BMP2K: variants seen among roughly 807,000 people sequenced by gnomAD.
BMP2K encodes the protein BMP-2-inducible protein kinase.
Under a neutral mutation model 116.0 loss-of-function variants are expected in BMP2K, and 74 were observed. That is an observed-to-expected ratio of 0.64 (90% CI 0.53 to 0.77). BMP2K has a LOEUF of 0.77. Ranked by LOEUF, BMP2K falls within the 30% of genes least tolerant of loss-of-function variation. The pLI, the probability that BMP2K is intolerant of heterozygous loss-of-function variation, is 0.00. For synonymous variants in BMP2K, 486 were observed against 502.5 expected (o/e 0.97, Z 0.44); for missense variants, 1,365 against 1,403.6 (o/e 0.97, Z 0.44).
intron 15 of BMP2K, among the ~76,000 whole-genome samples, chr4:78,891,641 A>T (rs767390417): frequency 5.3e-5 from 8 of 152,218 alleles, no homozygotes; most frequent in Non-Finnish European, 8.8e-5. Flanking sequence ...GATTGCAAAT[A>T]ACATATTATT....
intron 1 of BMP2K, among the ~76,000 whole-genome samples, chr4:78,822,289 A>C (rs1020153708): frequency 6.6e-6 from 1 of 152,164 alleles, no homozygotes; most frequent in Non-Finnish European, 1.5e-5. Flanking sequence ...CAGAGGTAAG[A>C]TTTCCATTAG....
chr4:78,899,072 C>G (rs745602068), intron 15 of BMP2K: 12 of 152,258 alleles, frequency 7.9e-5, no homozygotes, highest in Non-Finnish European at 1.5e-4. Context: ...CAGGTCAAAA[C>G]TCCGGTGCTG....
At chr4:78,878,710 T>G in intron 13 of BMP2K, 24 bp from the exon 14 acceptor site, 1 of 1,542,914 alleles carries the variant, frequency 6.5e-7, no homozygotes, top group African/African-American at 1.4e-5. Flanking sequence ...CATCTTCTTT[T>G]TTCTTACTCA....
intron 1 of BMP2K, among the ~76,000 whole-genome samples, chr4:78,791,537 T>C (rs1321948072): frequency 6.6e-6 from 1 of 151,916 alleles, no homozygotes; most frequent in African/African-American, 2.4e-5. Flanking sequence ...TGTGCATTCA[T>C]CATCACTATT....
At chr4:78,870,045 A>G (rs1489937557) in intron 10 of BMP2K, among the ~76,000 whole-genome samples, 1 of 152,180 alleles carries the variant, frequency 6.6e-6, no homozygotes, top group African/African-American at 2.4e-5. Flanking sequence ...GAGAATATAG[A>G]AATTATGGTA....
At chr4:78,777,682 G>A (rs559133307) in intron 1 of BMP2K, among the ~76,000 whole-genome samples, 12 of 152,154 alleles carry the variant, frequency 7.9e-5, no homozygotes, top group Non-Finnish European at 1.6e-4. Context: ...AAGTTCTATG[G>A]TTAAGATAAA....
At chr4:78,821,307 G>A (rs1729605894) in intron 1 of BMP2K, among the ~76,000 whole-genome samples, 1 of 152,190 alleles carries the variant, frequency 6.6e-6, no homozygotes, top group Admixed American at 6.5e-5. Context: ...GTGTGACGAT[G>A]CAGAAAGCCA....
At chr4:78,800,871 T>G (rs1409574632) in intron 1 of BMP2K, among the ~76,000 whole-genome samples, 1 of 152,214 alleles carries the variant, frequency 6.6e-6, no homozygotes, top group African/African-American at 2.4e-5. Flanking sequence ...CGAAATTGTA[T>G]TTCATGTAGA....
intron 7 of BMP2K, among the ~76,000 whole-genome samples, chr4:78,854,521 C>T (rs1460167398): frequency 1.3e-5 from 2 of 152,048 alleles, no homozygotes; most frequent in Non-Finnish European, 2.9e-5. Flanking sequence ...GATCTGCCTG[C>T]CTCGGCCTCC....
chr4:78,915,491 T>C lies in BMP2K; in HGVS notation c.*3458T>C, dbSNP rs752002084. 4 of 151,926 alleles carry C rather than the reference T, an allele frequency of 2.6e-5. No individual in the cohort carries two copies. Among genetic ancestry groups the C allele is most frequent in the Non-Finnish European group, 5.9e-5 (4 of 67,878 alleles). The allele number at this position is 151,926 out of a possible 1,614,324, so 9.4% of individuals were successfully genotyped here. Reference sequence around the variant, plus strand: ...TCATTTTTTTTTCTTTTTAGCAAACTTGTTATTTTAGGTCCAATTATTGAG... The same window carrying C: ...TCATTTTTTTTTCTTTTTAGCAAACCTGTTATTTTAGGTCCAATTATTGAG... On this transcript the variant is annotated 3_prime_UTR_variant, in exon 16 of 16. Transcript: ENST00000502613.
chr4:78,784,790 T>C (rs2109921983), intron 1 of BMP2K, among the ~76,000 whole-genome samples: 1 of 152,330 alleles, frequency 6.6e-6, no homozygotes, highest in Admixed American at 6.5e-5. Flanking sequence ...TACCAGCTGG[T>C]AATCCCTGTT....
intron 1 of BMP2K, among the ~76,000 whole-genome samples, chr4:78,795,952 A>G (rs866400248): frequency 1.4e-4 from 21 of 151,668 alleles, no homozygotes; most frequent in African/African-American, 4.9e-4. Flanking sequence ...GGGACTGTAA[A>G]CTAGTTCAAC....
chr4:78,802,108 A>G (rs773234523), intron 1 of BMP2K, among the ~76,000 whole-genome samples: 1 of 152,154 alleles, frequency 6.6e-6, no homozygotes, highest in Admixed American at 6.5e-5. Flanking sequence ...TTCTCTGCAG[A>G]TAGTTATTTT....
At chr4:78,845,381 T>G (rs1404504082) in intron 5 of BMP2K, among the ~76,000 whole-genome samples, 2 of 151,680 alleles carry the variant, frequency 1.3e-5, no homozygotes, top group African/African-American at 2.4e-5. Flanking sequence ...GGATTTGTCC[T>G]TGTTAAGAAA....
rs548252383 is a variant in BMP2K at position 78,894,532 on chromosome 4, A to T, written c.2062+7248A>T. 3.9e-5 allele frequency among the ~76,000 whole-genome samples: 6 copies of T among 152,250 alleles called. No homozygotes were observed. The East Asian group carries it at 1.2e-3, about 29-fold the overall frequency. Reference sequence around the variant, plus strand: ...TCTCACTTCACTCAGCCTTCATAGGATTGAAGAGAGTTAGAGCCTTGCTCT... The same window carrying T: ...TCTCACTTCACTCAGCCTTCATAGGTTTGAAGAGAGTTAGAGCCTTGCTCT... On this transcript the variant is annotated intron_variant, in intron 15 of 15. Coordinates refer to ENST00000502613, the MANE Select transcript of BMP2K (RefSeq NM_198892.2).
At chr4:78,887,338 C>T (rs1733152422) in intron 15 of BMP2K, 54 bp downstream of exon 15, 9 of 1,285,586 alleles carry the variant, frequency 7.0e-6, no homozygotes, top group Non-Finnish European at 1.0e-5. Flanking sequence ...ACAAGAACAA[C>T]AGCAAAATCT....
chr4:78,777,587 T>C (rs923469685), intron 1 of BMP2K, among the ~76,000 whole-genome samples: 2 of 152,270 alleles, frequency 1.3e-5, no homozygotes, highest in Non-Finnish European at 2.9e-5. Context: ...GCATGCTTCA[T>C]TGGCCTTTGA....
At chr4:78,852,440 C>T (rs1221430848) in intron 7 of BMP2K, among the ~76,000 whole-genome samples, 1 of 152,012 alleles carries the variant, frequency 6.6e-6, no homozygotes, top group Admixed American at 6.6e-5. Flanking sequence ...TCTGAAATTA[C>T]AATATTCCTA....
At chr4:78,790,847 C>T (rs907881203) in intron 1 of BMP2K, among the ~76,000 whole-genome samples, 3 of 151,840 alleles carry the variant, frequency 2.0e-5, no homozygotes, top group African/African-American at 7.3e-5. Context: ...AGACTAAGAT[C>T]CTGTGTCTAA....
Sources: allele counts gnomAD v4.1 joint callset (sites outside exome capture counted in the v4.1 genomes callset), GRCh38; gene constraint gnomAD v4.1.1; transcripts MANE v1.5; gene names NCBI Gene and HGNC (gene_info 2026-07-23, HGNC 2026-07-21).